The following GABRG1 variants were observed in gnomAD, a reference collection of about 807,000 sequenced individuals.
GABRG1 encodes gamma-aminobutyric acid type A receptor subunit gamma1, also known as gamma-aminobutyric acid receptor subunit gamma-1.
A neutral mutation model predicts 49.8 loss-of-function variants in GABRG1; 49 were observed. That is an observed-to-expected ratio of 0.98 (90% CI 0.78 to 1.25). The LOEUF (loss-of-function observed/expected upper bound fraction) is 1.25, where lower values mean the gene tolerates loss of function less well. Ranked by LOEUF, GABRG1 falls within the 50% of genes most tolerant of loss-of-function variation. The pLI is 0.00. For synonymous variants in GABRG1, 232 were observed against 185.1 expected (o/e 1.25, Z -2.06); for missense variants, 552 against 552.3 (o/e 1.00, Z 0.01).
Position 46,056,150 on chromosome 4 carries a change from T to TAAA in GABRG1, c.916+2066_916+2067insTTT, listed in dbSNP as rs1491407033. ...AAAAAAAAAAAAATAAATAAATAAA[T>TAAA]TAAAAAAAAAAAAAAAAAAAAAAAA... On this transcript the variant is annotated intron_variant, in intron 7 of 8. Coordinates refer to ENST00000295452, the MANE Select transcript of GABRG1 (RefSeq NM_173536.4). Among the ~76,000 whole-genome samples, 119 of 46,052 alleles carry TAAA rather than the reference T, an allele frequency of 2.6e-3. 10 individuals are homozygous for TAAA. Among genetic ancestry groups the TAAA allele is most frequent in the South Asian group, 8.3e-3 (6 of 726 alleles). 30.2% of individuals were successfully genotyped at this position (46,052 alleles called of 152,430 possible).
At chr4:46,043,798 T>G (rs1235139973) in intron 8 of GABRG1, among the ~76,000 whole-genome samples, 3 of 152,142 alleles carry the variant, frequency 2.0e-5, no homozygotes, top group Admixed American at 2.0e-4. Context: ...CTCACTATTT[T>G]GAGAAATTCA....
chr4:46,083,955 G>T, intron 3 of GABRG1, 31 bp downstream of exon 3: 1 of 1,169,132 alleles, frequency 8.6e-7, no homozygotes, highest in Non-Finnish European at 1.3e-6. Context: ...GATCTCTGTG[G>T]CAGTTATTAT....
chr4:46,115,768 G>A (rs1577672451), intron 1 of GABRG1, among the ~76,000 whole-genome samples: 1 of 150,700 alleles, frequency 6.6e-6, no homozygotes, highest in East Asian at 2.0e-4. Context: ...TTTTAGCACT[G>A]TATATCTCTG....
chr4:46,101,407 C>T (rs988410427), intron 1 of GABRG1, among the ~76,000 whole-genome samples: 6 of 150,984 alleles, frequency 4.0e-5, no homozygotes, highest in Non-Finnish European at 5.9e-5. Context: ...AATTAGCAGA[C>T]ACATTTGGAT....
intron 3 of GABRG1, among the ~76,000 whole-genome samples, chr4:46,069,732 T>C (rs1490951437): frequency 6.6e-6 from 1 of 152,106 alleles, no homozygotes; most frequent in African/African-American, 2.4e-5. Context: ...TTTTTCAGTG[T>C]TCTTGTTAGT....
chr4:46,080,809 T>C (rs1410235966), intron 3 of GABRG1, among the ~76,000 whole-genome samples: 1 of 151,832 alleles, frequency 6.6e-6, no homozygotes. Flanking sequence ...CATTCCCATA[T>C]GCTCAAACAG....
chr4:46,100,686 G>T lies in GABRG1; in HGVS notation c.105-3337C>A, dbSNP rs1180592450. On this transcript the variant is annotated intron_variant, in intron 1 of 8. Coordinates refer to ENST00000295452, the MANE Select transcript of GABRG1 (RefSeq NM_173536.4). ...GTTTATCTTTCCTTGAATAATGATT[G>T]CAATCAAATGGAAGATTTTAGAAAA... 7.2e-5 allele frequency among the ~76,000 whole-genome samples: 9 copies of T among 124,420 alleles called. No homozygotes were observed. The Admixed American group carries it at 7.4e-4, about 10-fold the overall frequency. The allele number at this position is 124,420 out of a possible 152,430, so 81.6% of individuals were successfully genotyped here.
intron 5 of GABRG1, among the ~76,000 whole-genome samples, chr4:46,060,476 T>A (rs1016406195): frequency 6.6e-6 from 1 of 152,186 alleles, no homozygotes; most frequent in Non-Finnish European, 1.5e-5. Flanking sequence ...AGTTTTCATG[T>A]AGATGTTTGT....
chr4:46,047,804 C>A (rs1979773), intron 8 of GABRG1, among the ~76,000 whole-genome samples: 76,778 of 151,748 alleles, frequency 0.51, 20,007 homozygotes, highest in African/African-American at 0.63. Flanking sequence ...TTATCTTGGA[C>A]TATTATTTAT....
intron 2 of GABRG1, among the ~76,000 whole-genome samples, chr4:46,093,847 T>G (rs940251645): frequency 3.9e-5 from 6 of 151,998 alleles, no homozygotes; most frequent in African/African-American, 1.4e-4. Context: ...GACTAAAAAT[T>G]TTTAAAGGCT....
chr4:46,058,908 G>T (rs1718561158), intron 5 of GABRG1, among the ~76,000 whole-genome samples: 2 of 151,930 alleles, frequency 1.3e-5, no homozygotes, highest in African/African-American at 2.4e-5. Context: ...CCCCAATCTA[G>T]AGGTAATAAC....
intron 1 of GABRG1, among the ~76,000 whole-genome samples, chr4:46,119,466 G>T (rs1013751442): frequency 6.6e-6 from 1 of 151,436 alleles, no homozygotes; most frequent in Non-Finnish European, 1.5e-5. Flanking sequence ...TCACAAAAAT[G>T]TTTTTCCCCT....
rs1008200634 is a variant in GABRG1, at chr4:46,038,050, T to G, written c.*2938A>C. Reference sequence around the variant, plus strand: ...ACATTTACTGTGCTTAATTTAAAGTTGATCAATTTTAAAAACTTATTAAAG... The same window carrying G: ...ACATTTACTGTGCTTAATTTAAAGTGGATCAATTTTAAAAACTTATTAAAG... On this transcript the variant is annotated 3_prime_UTR_variant, in exon 9 of 9. Coordinates refer to ENST00000295452, the MANE Select transcript of GABRG1 (RefSeq NM_173536.4). 6 of 151,718 alleles carry G rather than the reference T, an allele frequency of 4.0e-5. No homozygotes were observed. Among genetic ancestry groups the G allele is most frequent in the Non-Finnish European group, 7.4e-5 (5 of 67,732 alleles). The allele number at this position is 151,718 out of a possible 1,614,324, so 9.4% of individuals were successfully genotyped here.
intron 3 of GABRG1, among the ~76,000 whole-genome samples, chr4:46,066,546 G>T (rs1718928229): frequency 6.6e-6 from 1 of 152,026 alleles, no homozygotes; most frequent in Admixed American, 6.6e-5. Flanking sequence ...AGTTGATATG[G>T]AAACTGAGCC....
intron 1 of GABRG1, among the ~76,000 whole-genome samples, chr4:46,110,833 C>CTT (rs1720689954): frequency 1.3e-5 from 2 of 150,836 alleles, no homozygotes; most frequent in Non-Finnish European, 3.0e-5. Flanking sequence ...GAAACTAAGA[C>CTT]TTGAAGGAAC....
chr4:46,084,550 A>G (rs1719685066), intron 2 of GABRG1, among the ~76,000 whole-genome samples: 1 of 151,680 alleles, frequency 6.6e-6, no homozygotes, highest in Non-Finnish European at 1.5e-5. Context: ...CTTCAGTGAA[A>G]AACTTGAAGC....
At chr4:46,070,699 T>C (rs1719085493) in intron 3 of GABRG1, among the ~76,000 whole-genome samples, 1 of 152,022 alleles carries the variant, frequency 6.6e-6, no homozygotes, top group South Asian at 2.1e-4. Flanking sequence ...TTGTAGGGGC[T>C]GGAAAGTGCA....
At chr4:46,085,861 A>T (rs1203085313) in intron 2 of GABRG1, among the ~76,000 whole-genome samples, 4 of 151,562 alleles carry the variant, frequency 2.6e-5, no homozygotes, top group Admixed American at 2.0e-4. Context: ...GCAAGATATG[A>T]GTGATGTTCA....
In GABRG1 at chr4:46,065,477, A is replaced by G; in HGVS notation, c.429T>C (p.Ile143=). 1 of 1,610,914 alleles carries G rather than the reference A, an allele frequency of 6.2e-7. No homozygotes were observed. The highest frequency in any genetic ancestry group is 8.5e-7 in the Non-Finnish European group (1 of 1,177,364). The change falls in exon 4 of 9, where the codon ATT becomes ATC. Residue 143 remains isoleucine, a synonymous_variant. Coordinates refer to ENST00000295452, the MANE Select transcript of GABRG1 (RefSeq NM_173536.4). The part of the protein sequence containing the change: ...LMLNSNMVGK[I]WIPDTFFRNS... ...TTCTGAAGAAAGTGTCAGGAATCCA[A>G]ATTTTTCCAACCATATTACTGTTAA...
Sources: gnomAD v4.1 joint callset for allele counts (sites outside exome capture counted in the v4.1 genomes callset) on GRCh38, gnomAD v4.1.1 for gene constraint, MANE v1.5 for transcripts, NCBI Gene and HGNC (gene_info 2026-07-23, HGNC 2026-07-21) for gene names.